Variants in SMYD3 observed in about 807,000 individuals in gnomAD.
The protein encoded by SMYD3 is histone-lysine N-methyltransferase SMYD3.
SMYD3 carries 36 observed loss-of-function variants against 57.7 expected under a neutral mutation model. That is an observed-to-expected ratio of 0.62 (90% confidence interval 0.48 to 0.82). The LOEUF is 0.82. SMYD3 is among the 40% of genes least tolerant of loss of function. SMYD3 has a pLI of 0.00. For synonymous variants in SMYD3, 211 were observed against 195.0 expected, an observed-to-expected ratio of 1.08 and a Z score of -0.68; for missense variants, 515 against 538.8, an observed-to-expected ratio of 0.96 and a Z score of 0.44.
At chr1:245,905,163 A>G (rs2054477370) in intron 8 of SMYD3, among the ~76,000 whole-genome samples, 1 of 151,986 alleles carries the variant, frequency 6.6e-6, no homozygotes, top group Non-Finnish European at 1.5e-5. Context: ...GACTCAGCAC[A>G]TAACCAGCTG....
intron 1 of SMYD3, among the ~76,000 whole-genome samples, chr1:246,373,181 CT>C (rs1175368959): frequency 6.6e-6 from 1 of 151,920 alleles, no homozygotes; most frequent in African/African-American, 2.4e-5. Context: ...TGATTTCCCC[CT>C]CCTTTTATTT....
chr1:246,438,111 T>C (rs1402357643), intron 1 of SMYD3, among the ~76,000 whole-genome samples: 1 of 152,214 alleles, frequency 6.6e-6, no homozygotes, highest in Admixed American at 6.5e-5. Context: ...CATTGATCTT[T>C]CCCATCTGCT....
chr1:245,774,017 A>T (rs1026040529), intron 10 of SMYD3, among the ~76,000 whole-genome samples: 3 of 152,250 alleles, frequency 2.0e-5, no homozygotes, highest in African/African-American at 7.2e-5. Flanking sequence ...TGCAGCAGGC[A>T]TGGTAGCTAT....
intron 2 of SMYD3, among the ~76,000 whole-genome samples, chr1:246,344,932 T>C (rs1213655382): frequency 6.6e-6 from 1 of 152,136 alleles, no homozygotes; most frequent in Non-Finnish European, 1.5e-5. Context: ...TCTTTATAAA[T>C]TCTGGAAACA....
At chr1:246,171,914 G>C (rs2062341488) in intron 5 of SMYD3, among the ~76,000 whole-genome samples, 1 of 152,184 alleles carries the variant, frequency 6.6e-6, no homozygotes, top group South Asian at 2.1e-4. Context: ...AGCAGGCTGA[G>C]GCAAGAGAAT....
At chr1:246,200,484 C>G (rs2062903259) in intron 5 of SMYD3, among the ~76,000 whole-genome samples, 1 of 152,002 alleles carries the variant, frequency 6.6e-6, no homozygotes. Flanking sequence ...CAGACGCCCA[C>G]TGTAATAGAG....
chr1:246,147,835 T>A (rs957699927), intron 5 of SMYD3, among the ~76,000 whole-genome samples: 1 of 151,954 alleles, frequency 6.6e-6, no homozygotes, highest in African/African-American at 2.4e-5. Context: ...CTTTACTGAG[T>A]TGGTGGAGCG....
At chr1:245,879,157 C>T (rs114184245) in intron 8 of SMYD3, among the ~76,000 whole-genome samples, 3,141 of 152,332 alleles carry the variant, frequency 0.021, 51 homozygotes, top group Non-Finnish European at 0.034. Context: ...AAATGCTTGA[C>T]AGTCGCTTAG....
chr1:245,793,102 G>A (rs1488570636), intron 10 of SMYD3, among the ~76,000 whole-genome samples: 15 of 104,050 alleles, frequency 1.4e-4, no homozygotes, highest in South Asian at 3.2e-4. Flanking sequence ...GAAATCAGGA[G>A]ATCAAGACCA....
chr1:246,099,335 T>C (rs1231065290), intron 5 of SMYD3, among the ~76,000 whole-genome samples: 1 of 152,158 alleles, frequency 6.6e-6, no homozygotes, highest in Admixed American at 6.5e-5. Flanking sequence ...CTGATTTCCA[T>C]GGGACGCTTG....
chr1:246,262,045 C>G (rs1036340414), intron 5 of SMYD3, among the ~76,000 whole-genome samples: 3 of 152,166 alleles, frequency 2.0e-5, no homozygotes, highest in Non-Finnish European at 2.9e-5. Context: ...TTCTTCCATG[C>G]TCTCCTATTG....
intron 5 of SMYD3, among the ~76,000 whole-genome samples, chr1:246,002,619 AT>A (rs2059095041): frequency 8.2e-6 from 1 of 121,622 alleles, no homozygotes; most frequent in African/African-American, 3.1e-5. Flanking sequence ...CGCCCGGCTA[AT>A]TTTTTGTATT....
At chr1:246,461,431 C>T (rs1291044017) in intron 1 of SMYD3, among the ~76,000 whole-genome samples, 1 of 152,054 alleles carries the variant, frequency 6.6e-6, no homozygotes, top group East Asian at 1.9e-4. Flanking sequence ...ATAGTAAAAA[C>T]TTAGAACAAT....
intron 10 of SMYD3, among the ~76,000 whole-genome samples, chr1:245,817,675 G>T (rs1392236351): frequency 1.3e-5 from 2 of 151,764 alleles, no homozygotes; most frequent in African/African-American, 4.8e-5. Context: ...TGTATAACTA[G>T]AATAACCAAT....
At chr1:246,279,228 T>C (rs2064394871) in intron 5 of SMYD3, among the ~76,000 whole-genome samples, 1 of 152,134 alleles carries the variant, frequency 6.6e-6, no homozygotes, top group Non-Finnish European at 1.5e-5. Flanking sequence ...CAATGTAAGA[T>C]TGTTGAGACC....
At chr1:246,068,388 T>C (rs934156255) in intron 5 of SMYD3, among the ~76,000 whole-genome samples, 1 of 152,060 alleles carries the variant, frequency 6.6e-6, no homozygotes. Context: ...AAATCTATGT[T>C]TTATAATTCT....
chr1:246,433,513 T>C (rs1018170201), intron 1 of SMYD3, among the ~76,000 whole-genome samples: 3 of 151,848 alleles, frequency 2.0e-5, no homozygotes, highest in Non-Finnish European at 4.4e-5. Context: ...ATACAAAAAT[T>C]AGCCAGGCAT....
At chr1:246,344,731 C>T (rs2065685117) in intron 2 of SMYD3, among the ~76,000 whole-genome samples, 1 of 152,198 alleles carries the variant, frequency 6.6e-6, no homozygotes, top group Non-Finnish European at 1.5e-5. Context: ...ACCTTGCCAG[C>T]ACTTGACAAA....
intron 10 of SMYD3, among the ~76,000 whole-genome samples, chr1:245,838,865 T>C (rs953668189): frequency 1.3e-5 from 2 of 152,214 alleles, no homozygotes; most frequent in Non-Finnish European, 2.9e-5. Flanking sequence ...GCAGGAGACA[T>C]ACAATCCCAC....
Sources: gnomAD v4.1 joint callset for allele counts (sites outside exome capture counted in the v4.1 genomes callset) on GRCh38, gnomAD v4.1.1 for gene constraint, MANE v1.5 for transcripts, NCBI Gene and HGNC (gene_info 2026-07-23, HGNC 2026-07-21) for gene names.